INPP4B: variants seen among roughly 807,000 people sequenced by gnomAD.
INPP4B encodes inositol polyphosphate-4-phosphatase type II B, also known as inositol polyphosphate 4-phosphatase type II.
Under a neutral mutation model 122.5 loss-of-function variants are expected in INPP4B, and 55 were observed. That is an observed-to-expected ratio of 0.45 (90% CI 0.36 to 0.56). The LOEUF is 0.56. Ranked by LOEUF, INPP4B falls within the 20% of genes least tolerant of loss-of-function variation. The pLI is 0.00. For missense variants in INPP4B, 1,000 were observed against 1,097.7 expected, an observed-to-expected ratio of 0.91 and a Z score of 1.26; for synonymous variants, 403 against 388.7, an observed-to-expected ratio of 1.04 and a Z score of -0.43.
At chr4:142,547,365 C>T (rs897846586) in intron 2 of INPP4B, among the ~76,000 whole-genome samples, 8 of 152,068 alleles carry the variant, frequency 5.3e-5, no homozygotes, top group African/African-American at 1.9e-4. Flanking sequence ...CTCTGGGGAT[C>T]TCACAGATTT....
intron 1 of INPP4B, among the ~76,000 whole-genome samples, chr4:142,823,220 A>G (rs1781012927): frequency 6.6e-6 from 1 of 152,152 alleles, no homozygotes; most frequent in Non-Finnish European, 1.5e-5. Context: ...GGTGAAGCAA[A>G]CTAAAATATT....
At chr4:142,327,858 T>C (rs1773003201) in intron 7 of INPP4B, among the ~76,000 whole-genome samples, 1 of 152,216 alleles carries the variant, frequency 6.6e-6, no homozygotes, top group Non-Finnish European at 1.5e-5. Context: ...CCAGGTTATG[T>C]GGCTAGTAAG....
rs1782484208 is a variant in INPP4B at position 142,097,498 on chromosome 4, CCACCCA to C, written c.2374+10589_2374+10594del. The stretch of plus-strand genomic sequence containing the variant: ...TCTCAAACTCCTGATCTCAGGTGAT[CCACCCA>C]CCTCAGCCTCCCAAAATTCTGGGAT... On this transcript the variant is annotated intron_variant, in intron 23 of 25. Transcript: ENST00000262992. Among the ~76,000 whole-genome samples the C allele has an allele frequency of 3.3e-5, 5 of 152,068 alleles. No individual in the cohort carries two copies. In the South Asian group the frequency reaches 1.0e-3, roughly 32 times the overall value.
chr4:142,383,917 T>C (rs1442280092), intron 7 of INPP4B: 7 of 579,888 alleles, frequency 1.2e-5, no homozygotes, highest in African/African-American at 5.6e-5. Flanking sequence ...CCTCTCTGCA[T>C]GTCCAGCTAT....
chr4:142,538,189 T>G (rs748658350), intron 2 of INPP4B, among the ~76,000 whole-genome samples: 1 of 152,116 alleles, frequency 6.6e-6, no homozygotes, highest in Non-Finnish European at 1.5e-5. Context: ...TTTCCCATAC[T>G]CCTTCTTTGT....
intron 2 of INPP4B, among the ~76,000 whole-genome samples, chr4:142,520,665 T>C (rs1432669509): frequency 6.6e-6 from 1 of 151,972 alleles, no homozygotes; most frequent in Non-Finnish European, 1.5e-5. Context: ...TTACACTTAA[T>C]ATAGTTTTAA....
At position 142,759,355 on chromosome 4, in the gene INPP4B, C is replaced by A. The variant is rs115082496; in HGVS notation, c.-253-33454G>T. 8.5e-3 allele frequency among the ~76,000 whole-genome samples: 1,294 copies of A among 152,218 alleles called. 25 individuals carry two copies. Among genetic ancestry groups the A allele is most frequent in the African/African-American group, 0.03 (1,233 of 41,534 alleles). ...CCAAGTTTCCTGGCAACAAGGCTTA[C>A]ATTAAAATGGTTCTTTCAAATTCTA... On this transcript the variant is annotated intron_variant, in intron 1 of 25. Coordinates refer to ENST00000262992, the MANE Select transcript of INPP4B (RefSeq NM_001101669.3).
chr4:142,825,011 C>A (rs1275477623), intron 1 of INPP4B, among the ~76,000 whole-genome samples: 1 of 151,884 alleles, frequency 6.6e-6, no homozygotes, highest in Non-Finnish European at 1.5e-5. Flanking sequence ...ATTATGACAA[C>A]CTTGTGAAAT....
chr4:142,438,980 T>C (rs1412864557), intron 3 of INPP4B, among the ~76,000 whole-genome samples: 1 of 152,182 alleles, frequency 6.6e-6, no homozygotes, highest in African/African-American at 2.4e-5. Context: ...ATAGATGAGT[T>C]AAACCTTTAG....
intron 12 of INPP4B, among the ~76,000 whole-genome samples, chr4:142,215,481 G>T (rs1846729469): frequency 6.6e-6 from 1 of 152,070 alleles, no homozygotes; most frequent in African/African-American, 2.4e-5. Flanking sequence ...TTAACTCCTG[G>T]ATATTTTAGT....
intron 1 of INPP4B, among the ~76,000 whole-genome samples, chr4:142,734,638 TTTTGTTTG>T (rs374247716): frequency 3.3e-5 from 5 of 152,002 alleles, no homozygotes; most frequent in African/African-American, 9.7e-5. Flanking sequence ...CACTATTAGA[TTTTGTTTG>T]TTTGTTTGTT....
chr4:142,435,161 C>T (rs1810157946), intron 3 of INPP4B, among the ~76,000 whole-genome samples: 1 of 152,058 alleles, frequency 6.6e-6, no homozygotes, highest in Non-Finnish European at 1.5e-5. Context: ...ACAAGTGGCA[C>T]TATCTTAGGA....
chr4:142,306,887 A>AAAAGG (rs551292468), intron 8 of INPP4B, among the ~76,000 whole-genome samples: 17 of 152,250 alleles, frequency 1.1e-4, no homozygotes, highest in South Asian at 4.1e-4. Context: ...AAAAAGAAAG[A>AAAAGG]AAAGGAAAGG....
intron 2 of INPP4B, among the ~76,000 whole-genome samples, chr4:142,681,845 A>T (rs1012604854): frequency 1.3e-5 from 2 of 151,942 alleles, no homozygotes; most frequent in African/African-American, 4.8e-5. Context: ...CTAATGCTCC[A>T]TGTGCATTCA....
intron 16 of INPP4B, among the ~76,000 whole-genome samples, chr4:142,173,386 G>C (rs2152950351): frequency 6.7e-6 from 1 of 148,272 alleles, no homozygotes; most frequent in South Asian, 2.1e-4. Context: ...GAAAAGAGAA[G>C]ATATATACCA....
chr4:142,714,019 C>A (rs1763438413), intron 2 of INPP4B, among the ~76,000 whole-genome samples: 1 of 152,194 alleles, frequency 6.6e-6, no homozygotes. Context: ...GTCCACCAAT[C>A]TGAGAAAATG....
intron 1 of INPP4B, among the ~76,000 whole-genome samples, chr4:142,784,202 A>G (rs1380960827): frequency 6.6e-6 from 1 of 151,870 alleles, no homozygotes; most frequent in Non-Finnish European, 1.5e-5. Context: ...GTCTCTACTA[A>G]CAGTTCAAAA....
At chr4:142,817,080 A>G (rs376709609) in intron 1 of INPP4B, among the ~76,000 whole-genome samples, 4 of 152,186 alleles carry the variant, frequency 2.6e-5, no homozygotes, top group East Asian at 3.8e-4. Flanking sequence ...ACTGATACAT[A>G]CCAGTCCTTC....
intron 9 of INPP4B, 60 bp downstream of exon 9, chr4:142,305,398 C>A: frequency 8.0e-7 from 1 of 1,256,752 alleles, no homozygotes; most frequent in Admixed American, 2.0e-5. Context: ...ACACACTGGC[C>A]ATCAATAAAT....
Sources: gnomAD v4.1 joint callset for allele counts (sites outside exome capture counted in the v4.1 genomes callset) on GRCh38, gnomAD v4.1.1 for gene constraint, MANE v1.5 for transcripts, NCBI Gene and HGNC (gene_info 2026-07-23, HGNC 2026-07-21) for gene names.